The following SPOCK3 variants were observed in gnomAD, a reference collection of about 807,000 sequenced individuals.
The protein encoded by SPOCK3 is testican-3.
A neutral mutation model predicts 56.6 loss-of-function variants in SPOCK3; 30 were observed. The observed-to-expected ratio is 0.53, with a 90% CI of 0.40 to 0.72. The LOEUF (loss-of-function observed/expected upper bound fraction) is 0.72, where lower values mean the gene tolerates loss of function less well. Ranked by LOEUF, SPOCK3 falls within the 30% of genes least tolerant of loss-of-function variation. The pLI is 0.00. For missense variants in SPOCK3, 527 were observed against 530.0 expected, an observed-to-expected ratio of 0.99 and a Z score of 0.06; for synonymous variants, 196 against 183.3, an observed-to-expected ratio of 1.07 and a Z score of -0.56.
At chr4:166,974,187 A>G (rs1745696185) in intron 4 of SPOCK3, among the ~76,000 whole-genome samples, 1 of 152,128 alleles carries the variant, frequency 6.6e-6, no homozygotes, top group African/African-American at 2.4e-5. Context: ...GATTACTGTG[A>G]ATATTGTGAA....
chr4:167,158,624 G>A (rs889221228), intron 2 of SPOCK3, among the ~76,000 whole-genome samples: 3 of 151,922 alleles, frequency 2.0e-5, no homozygotes, highest in African/African-American at 2.4e-5. Context: ...TTCAGAGTGT[G>A]ATGTGTAATA....
At chr4:167,090,267 C>A (rs139266004) in intron 2 of SPOCK3, among the ~76,000 whole-genome samples, 42 of 152,226 alleles carry the variant, frequency 2.8e-4, no homozygotes, top group Non-Finnish European at 5.0e-4. Context: ...AATTGCTCTG[C>A]ACCCTCATCA....
In SPOCK3 at chr4:167,205,490, A is replaced by T. The variant is rs1241715735; in HGVS notation, c.189+28495T>A. On this transcript the variant is annotated intron_variant, in intron 2 of 10. Coordinates refer to ENST00000357545, the MANE Select transcript of SPOCK3 (RefSeq NM_001040159.2). The stretch of plus-strand genomic sequence containing the variant: ...GAATTTATTTTATATATAATATATA[A>T]TATATAATATATATTATATAATATA... Among the ~76,000 whole-genome samples, 32 of 53,072 alleles carry T rather than the reference A, an allele frequency of 6.0e-4. No homozygotes were observed. In the East Asian group the frequency reaches 6.4e-3, roughly 11 times the overall value. 34.8% of individuals were successfully genotyped at this position (53,072 alleles called of 152,430 possible). A position where few individuals can be genotyped will look rare whatever the true frequency, so the allele number is the denominator to read the frequency against.
At chr4:166,928,069 G>C (rs1174948907) in intron 4 of SPOCK3, among the ~76,000 whole-genome samples, 1 of 152,108 alleles carries the variant, frequency 6.6e-6, no homozygotes, top group Non-Finnish European at 1.5e-5. Context: ...TCAGAACGCT[G>C]ACAACACCAA....
intron 2 of SPOCK3, among the ~76,000 whole-genome samples, chr4:167,219,589 CT>C (rs1287384082): frequency 6.6e-6 from 1 of 152,184 alleles, no homozygotes; most frequent in African/African-American, 2.4e-5. Flanking sequence ...GTTAAATGAG[CT>C]TTTACTTATG....
At chr4:166,931,233 C>A (rs185419860) in intron 4 of SPOCK3, among the ~76,000 whole-genome samples, 1 of 151,900 alleles carries the variant, frequency 6.6e-6, no homozygotes, top group Non-Finnish European at 1.5e-5. Flanking sequence ...CTGCCCACCT[C>A]GGCCTCTCAA....
At chr4:166,903,170 TAA>T (rs2127063795) in intron 5 of SPOCK3, among the ~76,000 whole-genome samples, 1 of 148,372 alleles carries the variant, frequency 6.7e-6, no homozygotes, top group South Asian at 2.1e-4. Flanking sequence ...TAAAAATTAA[TAA>T]ATATTAAAAT....
At chr4:167,147,437 T>C (rs1272529483) in intron 2 of SPOCK3, among the ~76,000 whole-genome samples, 1 of 152,128 alleles carries the variant, frequency 6.6e-6, no homozygotes, top group East Asian at 1.9e-4. Context: ...AAATACCATT[T>C]GACCCAGCAA....
At chr4:166,863,946 C>G (rs568295893) in intron 6 of SPOCK3, among the ~76,000 whole-genome samples, 99 of 152,234 alleles carry the variant, frequency 6.5e-4, no homozygotes, top group African/African-American at 2.3e-3. Flanking sequence ...TAATAGATAT[C>G]TACAGAACTC....
intron 2 of SPOCK3, among the ~76,000 whole-genome samples, chr4:167,067,927 G>A (rs34429821): frequency 0.038 from 5,741 of 151,696 alleles, 167 homozygotes; most frequent in Middle Eastern, 0.071. Flanking sequence ...ATACTTATTA[G>A]TTGTATTTCA....
At chr4:166,844,986 C>T (rs1441678538) in intron 6 of SPOCK3, among the ~76,000 whole-genome samples, 1 of 152,180 alleles carries the variant, frequency 6.6e-6, no homozygotes, top group African/African-American at 2.4e-5. Flanking sequence ...AGGCAGAATA[C>T]AAATGCATGT....
At chr4:166,752,563 TATATATATATAC>T (rs1229962949) in intron 8 of SPOCK3, among the ~76,000 whole-genome samples, 8 of 53,440 alleles carry the variant, frequency 1.5e-4, no homozygotes, top group East Asian at 5.1e-4. Flanking sequence ...TATATATATA[TATATATATATAC>T]ACACACACAC....
At chr4:166,813,027 C>A (rs1371111051) in intron 6 of SPOCK3, among the ~76,000 whole-genome samples, 1 of 151,956 alleles carries the variant, frequency 6.6e-6, no homozygotes, top group South Asian at 2.1e-4. Flanking sequence ...ATAATTAACA[C>A]AAATACTATA....
At chr4:166,804,381 A>G (rs2126700873) in intron 6 of SPOCK3, among the ~76,000 whole-genome samples, 1 of 152,146 alleles carries the variant, frequency 6.6e-6, no homozygotes, top group East Asian at 1.9e-4. Context: ...GTGACCTCAT[A>G]TTACCTTATT....
intron 3 of SPOCK3, among the ~76,000 whole-genome samples, chr4:167,054,875 G>A (rs1048978898): frequency 6.6e-6 from 1 of 152,132 alleles, no homozygotes; most frequent in Non-Finnish European, 1.5e-5. Flanking sequence ...GTGAAAATAT[G>A]TAATCGATAT....
At chr4:167,059,795 A>G (rs2150240787) in intron 3 of SPOCK3, among the ~76,000 whole-genome samples, 2 of 152,346 alleles carry the variant, frequency 1.3e-5, no homozygotes, top group Middle Eastern at 6.8e-3. Flanking sequence ...AATGTGGCAC[A>G]TATACACCAT....
chr4:167,024,720 G>A (rs970806814), intron 3 of SPOCK3, among the ~76,000 whole-genome samples: 10 of 151,898 alleles, frequency 6.6e-5, no homozygotes, highest in African/African-American at 2.2e-4. Context: ...GGTGGGCAAG[G>A]GATAAAAGAC....
chr4:166,796,350 G>A (rs750564111), intron 6 of SPOCK3, among the ~76,000 whole-genome samples: 1 of 152,158 alleles, frequency 6.6e-6, no homozygotes, highest in Admixed American at 6.5e-5. Context: ...TGAAAATACA[G>A]AGGTCCAAGC....
chr4:166,749,981 A>C (rs1736165850), intron 8 of SPOCK3, among the ~76,000 whole-genome samples: 1 of 152,070 alleles, frequency 6.6e-6, no homozygotes, highest in African/African-American at 2.4e-5. Flanking sequence ...CTACTTGAAC[A>C]CCCTCGTGCA....
Sources: allele counts gnomAD v4.1 joint callset (sites outside exome capture counted in the v4.1 genomes callset), GRCh38; gene constraint gnomAD v4.1.1; transcripts MANE v1.5; gene names NCBI Gene and HGNC (gene_info 2026-07-23, HGNC 2026-07-21).